The following INSYN2A variants were observed in gnomAD, a reference collection of about 807,000 sequenced individuals.
The protein encoded by INSYN2A is family with sequence similarity 196 member A.
INSYN2A carries 17 observed loss-of-function variants against 39.4 expected under a neutral mutation model. The ratio of observed to expected loss-of-function variants is 0.43; its 90% CI spans 0.30 to 0.65. INSYN2A has a LOEUF of 0.65. INSYN2A is among the 30% of genes least tolerant of loss of function. INSYN2A has a pLI of 0.14. For missense variants in INSYN2A, 595 were observed against 631.2 expected (o/e 0.94, Z 0.61); for synonymous variants, 255 against 265.7 (o/e 0.96, Z 0.39).
rs1232222507 is a variant in INSYN2A at position 127,175,258 on chromosome 10, A to G, written c.1138T>C (p.Leu380=). Residue 380 remains leucine, a synonymous_variant, in exon 4 of 6, where the codon TTG becomes CTG. Transcript: ENST00000522781. The surrounding 1 kb of genome is among the most constrained non-coding windows in gnomAD (Gnocchi z 6.3). ...SSSQETIKVL[L]GVIQELEKGE... ...TTTTCCAACTCCTGAATGACCCCCA[A>G]GAGCACTTTGATGGTTTCTTGGCTT... is the stretch of plus-strand genomic sequence containing the variant. 6.2e-7 allele frequency: 1 copy of G among 1,614,138 alleles called. No individual in the cohort carries two copies. Among genetic ancestry groups the G allele is most frequent in the South Asian group, 1.1e-5 (1 of 91,066 alleles).
intron 4 of INSYN2A, among the ~76,000 whole-genome samples, chr10:127,165,046 T>C (rs1163321936): frequency 6.6e-6 from 1 of 152,230 alleles, no homozygotes; most frequent in African/African-American, 2.4e-5. Context: ...GCTATCAAAC[T>C]AGAATGAAAA....
intron 2 of INSYN2A, among the ~76,000 whole-genome samples, chr10:127,184,436 T>C (rs2056035025): frequency 6.6e-6 from 1 of 151,650 alleles, no homozygotes. Context: ...ACCCTGATCT[T>C]GGCCTTCATA....
intron 1 of INSYN2A, among the ~76,000 whole-genome samples, chr10:127,194,567 G>T (rs2056967689): frequency 6.6e-6 from 1 of 152,158 alleles, no homozygotes; most frequent in Non-Finnish European, 1.5e-5. Context: ...CTTAATAAGG[G>T]TTATATCATT....
intron 5 of INSYN2A, among the ~76,000 whole-genome samples, chr10:127,153,433 A>T (rs1281896056): frequency 6.6e-6 from 1 of 152,174 alleles, no homozygotes; most frequent in Non-Finnish European, 1.5e-5. Flanking sequence ...CAGGAAATGA[A>T]ATTCCACATT....
chr10:127,185,522 C>T (rs2056150644), intron 2 of INSYN2A, among the ~76,000 whole-genome samples: 2 of 152,184 alleles, frequency 1.3e-5, no homozygotes, highest in African/African-American at 4.8e-5. Context: ...CACTATACAT[C>T]ACAGTATCCT....
intron 2 of INSYN2A, among the ~76,000 whole-genome samples, chr10:127,186,279 GC>G (rs2056222952): frequency 6.6e-6 from 1 of 152,152 alleles, no homozygotes. Context: ...TGCTGGGGAG[GC>G]CTCAAGAAAC....
intron 5 of INSYN2A, chr10:127,146,067 C>A (rs753106569): frequency 1.9e-6 from 1 of 516,722 alleles, no homozygotes. Context: ...GCCAGGACTG[C>A]GTCCCGTATT....
chr10:127,186,524 CG>C (rs773758441), intron 2 of INSYN2A, among the ~76,000 whole-genome samples: 861 of 85,674 alleles, frequency 0.01, 103 homozygotes, highest in Non-Finnish European at 0.014. Flanking sequence ...CGCCCCCCCC[CG>C]ATCCAGTTAC....
intron 5 of INSYN2A, among the ~76,000 whole-genome samples, chr10:127,148,957 GA>G (rs1328295544): frequency 1.3e-5 from 2 of 152,134 alleles, no homozygotes; most frequent in Admixed American, 1.3e-4. Context: ...AAATTTGTCA[GA>G]AAGATCACGT....
intron 4 of INSYN2A, among the ~76,000 whole-genome samples, chr10:127,161,208 G>A (rs541720060): frequency 6.6e-6 from 1 of 152,180 alleles, no homozygotes; most frequent in Non-Finnish European, 1.5e-5. Flanking sequence ...ATATACTCAT[G>A]GAAACGCAAG....
intron 5 of INSYN2A, among the ~76,000 whole-genome samples, chr10:127,138,254 T>G (rs553314890): frequency 6.6e-6 from 1 of 152,234 alleles, no homozygotes; most frequent in African/African-American, 2.4e-5. Flanking sequence ...TCTTTAATAT[T>G]GTGTTAATGT....
At chr10:127,194,386 T>C (rs904857917) in intron 1 of INSYN2A, among the ~76,000 whole-genome samples, 1 of 152,234 alleles carries the variant, frequency 6.6e-6, no homozygotes, top group Admixed American at 6.5e-5. Flanking sequence ...GAGCTCCTTG[T>C]GCATGTTTGC....
intron 4 of INSYN2A, among the ~76,000 whole-genome samples, chr10:127,164,592 T>C (rs2053914554): frequency 6.6e-6 from 1 of 152,238 alleles, no homozygotes; most frequent in African/African-American, 2.4e-5. Context: ...TGCATCAGTA[T>C]TTTATAGACA....
chr10:127,152,958 G>C (rs887759756), intron 5 of INSYN2A, among the ~76,000 whole-genome samples: 1 of 152,166 alleles, frequency 6.6e-6, no homozygotes, highest in Non-Finnish European at 1.5e-5. Flanking sequence ...ACCCTGATGG[G>C]TTGAAGATTG....
chr10:127,166,707 T>C (rs1164155540), intron 4 of INSYN2A, among the ~76,000 whole-genome samples: 2 of 152,230 alleles, frequency 1.3e-5, no homozygotes, highest in Non-Finnish European at 2.9e-5. Context: ...GCTCAAACCA[T>C]TTTTGCATAG....
At chr10:127,143,320 G>A (rs115204209) in intron 5 of INSYN2A, among the ~76,000 whole-genome samples, 2,839 of 152,260 alleles carry the variant, frequency 0.019, 77 homozygotes, top group African/African-American at 0.06. Flanking sequence ...CATGTGGCTC[G>A]GTGGCCAGCA....
chr10:127,173,544 G>C (rs1247844079), intron 4 of INSYN2A, among the ~76,000 whole-genome samples: 1 of 152,202 alleles, frequency 6.6e-6, no homozygotes, highest in African/African-American at 2.4e-5. Flanking sequence ...ACTCCTGTGA[G>C]TATGCACATT....
chr10:127,158,539 C>T (rs1164501881), intron 4 of INSYN2A, among the ~76,000 whole-genome samples: 2 of 152,154 alleles, frequency 1.3e-5, no homozygotes, highest in African/African-American at 4.8e-5. Context: ...TGATACAATA[C>T]CTGGTACCTT....
chr10:127,171,731 T>C (rs1171226626), intron 4 of INSYN2A, among the ~76,000 whole-genome samples: 2 of 152,084 alleles, frequency 1.3e-5, no homozygotes, highest in Non-Finnish European at 2.9e-5. Flanking sequence ...TGAGATGGAG[T>C]CTCGCTCTGT....
Sources: allele counts gnomAD v4.1 joint callset (sites outside exome capture counted in the v4.1 genomes callset), GRCh38; gene constraint gnomAD v4.1.1; non-coding constraint Gnocchi (gnomAD v3.1); transcripts MANE v1.5; gene names NCBI Gene and HGNC (gene_info 2026-07-23, HGNC 2026-07-21).